The following CEP85L variants were observed in gnomAD, a reference collection of about 807,000 sequenced individuals.
CEP85L encodes the protein centrosomal protein 85L, also known as centrosomal protein of 85 kDa-like.
In CEP85L, 60 loss-of-function variants were observed where a neutral mutation model predicts 100.3. The ratio of observed to expected loss-of-function variants is 0.60; its 90% CI spans 0.49 to 0.74. CEP85L has a LOEUF of 0.74. CEP85L is among the 30% of genes least tolerant of loss of function. CEP85L has a pLI of 0.00. For missense variants in CEP85L, 973 were observed against 936.2 expected, an observed-to-expected ratio of 1.04 and a Z score of -0.51; for synonymous variants, 319 against 322.7, an observed-to-expected ratio of 0.99 and a Z score of 0.12.
At chr6:118,652,143 C>T (rs935720334), upstream of CEP85L, among the ~76,000 whole-genome samples, 1 of 152,132 alleles carries the variant, frequency 6.6e-6, no homozygotes, top group African/African-American at 2.4e-5. Context: ...CCGGGATGTG[C>T]ACCGGAAAAG....
chr6:118,505,948 A>G (rs984330591), intron 5 of CEP85L, among the ~76,000 whole-genome samples: 8 of 152,246 alleles, frequency 5.3e-5, no homozygotes, highest in Non-Finnish European at 1.2e-4. Flanking sequence ...CCTAAGGTAC[A>G]AAACATTGAT....
At chr6:118,694,553 T>A (rs1033504691) in intron 1 of CEP85L, among the ~76,000 whole-genome samples, 1 of 152,180 alleles carries the variant, frequency 6.6e-6, no homozygotes, top group Non-Finnish European at 1.5e-5. Context: ...AGAAAAATTT[T>A]AGTGTTTGCA....
At chr6:118,706,825 C>A (rs1001884090) in intron 1 of CEP85L, among the ~76,000 whole-genome samples, 1 of 152,182 alleles carries the variant, frequency 6.6e-6, no homozygotes, top group African/African-American at 2.4e-5. Flanking sequence ...TCTTCCACTT[C>A]TCGCTTAGCT....
chr6:118,627,234 A>C (rs528105746), intron 2 of CEP85L, among the ~76,000 whole-genome samples: 31 of 151,962 alleles, frequency 2.0e-4, no homozygotes, highest in African/African-American at 7.0e-4. Flanking sequence ...CAATACAATT[A>C]AAACACAGGT....
intron 1 of CEP85L, among the ~76,000 whole-genome samples, chr6:118,648,745 A>G (rs1775365441): frequency 6.6e-6 from 1 of 151,844 alleles, no homozygotes; most frequent in African/African-American, 2.4e-5. Context: ...GTCTCAAAAA[A>G]AAAAAAAAAA....
intron 3 of CEP85L, among the ~76,000 whole-genome samples, chr6:118,562,813 AG>A (rs1231399810): frequency 1.7e-4 from 26 of 152,348 alleles, no homozygotes; most frequent in Admixed American, 1.4e-3. Context: ...TAGGGAAAAA[AG>A]GATAAACAAC....
At chr6:118,675,955 G>C (rs1399225907) in intron 1 of CEP85L, among the ~76,000 whole-genome samples, 1 of 152,126 alleles carries the variant, frequency 6.6e-6, no homozygotes, top group African/African-American at 2.4e-5. Flanking sequence ...AATAATAAAA[G>C]AGATAATTAT....
At chr6:118,606,455 G>C (rs1040112721) in intron 2 of CEP85L, among the ~76,000 whole-genome samples, 7 of 152,214 alleles carry the variant, frequency 4.6e-5, no homozygotes, top group Admixed American at 1.3e-4. Flanking sequence ...TACAGTAAGG[G>C]GTAGTCCCCA....
At chr6:118,519,468 GT>G (rs1776497577) in intron 4 of CEP85L, among the ~76,000 whole-genome samples, 3 of 50,250 alleles carry the variant, frequency 6.0e-5, no homozygotes, top group Non-Finnish European at 8.9e-5. Flanking sequence ...GTGTGTGTGT[GT>G]GTGTGGCGGG....
chr6:118,667,380 G>A (rs566382059), intron 1 of CEP85L, among the ~76,000 whole-genome samples: 1 of 152,128 alleles, frequency 6.6e-6, no homozygotes, highest in Admixed American at 6.5e-5. Context: ...AAGGCAAGAA[G>A]TCCCATGTAG....
intron 2 of CEP85L, among the ~76,000 whole-genome samples, chr6:118,580,089 A>T (rs530534811): frequency 9.8e-5 from 15 of 152,304 alleles, no homozygotes; most frequent in African/African-American, 3.1e-4. Flanking sequence ...TGCAAATCAG[A>T]CACCAGCTCC....
At chr6:118,478,482 T>C (rs558244497) in intron 10 of CEP85L, among the ~76,000 whole-genome samples, 19 of 152,200 alleles carry the variant, frequency 1.2e-4, no homozygotes, top group African/African-American at 4.6e-4. Context: ...TCTCTGTGTC[T>C]CTAGATCTGA....
intron 3 of CEP85L, among the ~76,000 whole-genome samples, chr6:118,524,494 TGTGGAA>T (rs1776853351): frequency 2.0e-5 from 3 of 152,168 alleles, no homozygotes; most frequent in South Asian, 4.1e-4. Context: ...CCCATTACCT[TGTGGAA>T]GTGGAAGTGG....
At chr6:118,486,644 C>G (rs937232181) in intron 6 of CEP85L, among the ~76,000 whole-genome samples, 2 of 152,136 alleles carry the variant, frequency 1.3e-5, no homozygotes, top group Admixed American at 1.3e-4. Flanking sequence ...CTCAAGTCAT[C>G]TCCATGTGCT....
intron 3 of CEP85L, chr6:118,559,085 C>A: frequency 6.2e-7 from 1 of 1,605,866 alleles, no homozygotes; most frequent in Non-Finnish European, 8.5e-7. Flanking sequence ...CTCTGAAGTT[C>A]TGCTACAACC....
At chr6:118,487,996 T>A (rs1774298944) in intron 6 of CEP85L, among the ~76,000 whole-genome samples, 1 of 151,246 alleles carries the variant, frequency 6.6e-6, no homozygotes. Flanking sequence ...GCCTGAAGGA[T>A]GCTAAGAACA....
At chr6:118,669,766 A>C (rs1285010510) in intron 1 of CEP85L, among the ~76,000 whole-genome samples, 1 of 151,866 alleles carries the variant, frequency 6.6e-6, no homozygotes, top group African/African-American at 2.4e-5. Flanking sequence ...TTATCTCATG[A>C]ACTAAACCCC....
At chr6:118,634,414 A>G (rs1562326987) in intron 1 of CEP85L, among the ~76,000 whole-genome samples, 1 of 152,226 alleles carries the variant, frequency 6.6e-6, no homozygotes, top group Non-Finnish European at 1.5e-5. Context: ...ATTTTATTTA[A>G]TGCATTTATT....
intron 5 of CEP85L, among the ~76,000 whole-genome samples, chr6:118,494,626 A>C (rs1481072989): frequency 6.6e-6 from 1 of 152,156 alleles, no homozygotes. Context: ...ACTGAAGTTC[A>C]CAATCCAGAG....
Sources: allele counts gnomAD v4.1 joint callset (sites outside exome capture counted in the v4.1 genomes callset), GRCh38; gene constraint gnomAD v4.1.1; transcripts MANE v1.5; gene names NCBI Gene and HGNC (gene_info 2026-07-23, HGNC 2026-07-21).